Variants in CHODL observed in about 807,000 individuals in gnomAD.
CHODL encodes transmembrane protein MT75.
CHODL carries 29 observed loss-of-function variants against 34.5 expected under a neutral mutation model. The ratio of observed to expected loss-of-function variants is 0.84; its 90% CI spans 0.63 to 1.15. CHODL has a LOEUF of 1.15. CHODL is among the 50% of genes most tolerant of loss of function. The probability of loss-of-function intolerance (pLI) is 0.00; values close to 1 mark genes in which losing one functional copy is unlikely to be tolerated. For missense variants in CHODL, 332 were observed against 332.5 expected, an observed-to-expected ratio of 1.00 and a Z score of 0.01; for synonymous variants, 125 against 116.1, an observed-to-expected ratio of 1.08 and a Z score of -0.49.
At chr21:18,133,757 T>C (rs928064378) in intron 2 of CHODL, among the ~76,000 whole-genome samples, 1 of 152,164 alleles carries the variant, frequency 6.6e-6, no homozygotes, top group Admixed American at 6.5e-5. Flanking sequence ...TGTGTAAGCA[T>C]CACTCTGTAG....
intron 1 of CHODL, among the ~76,000 whole-genome samples, chr21:18,247,313 C>A (rs2406170): frequency 0.056 from 8,498 of 152,140 alleles, 771 homozygotes; most frequent in African/African-American, 0.19. Flanking sequence ...TAGGAACATA[C>A]TTGCAACGTA....
chr21:18,023,793 T>C (rs2064149396), intron 1 of CHODL, among the ~76,000 whole-genome samples: 1 of 152,220 alleles, frequency 6.6e-6, no homozygotes, highest in African/African-American at 2.4e-5. Flanking sequence ...TCCACCTCTC[T>C]TTCTCATACA....
At chr21:18,028,901 T>C (rs1056646191) in intron 2 of CHODL, among the ~76,000 whole-genome samples, 2 of 152,136 alleles carry the variant, frequency 1.3e-5, no homozygotes, top group Non-Finnish European at 2.9e-5. Flanking sequence ...ATAGCTGGCA[T>C]ACCTATTTTC....
chr21:18,135,428 G>C (rs986678247), intron 2 of CHODL, among the ~76,000 whole-genome samples: 1 of 151,806 alleles, frequency 6.6e-6, no homozygotes, highest in Non-Finnish European at 1.5e-5. Context: ...GAACACAGTT[G>C]CTTCGATGGA....
At chr21:17,977,241 C>T (rs2063670593) in intron 1 of CHODL, among the ~76,000 whole-genome samples, 1 of 152,156 alleles carries the variant, frequency 6.6e-6, no homozygotes, top group Non-Finnish European at 1.5e-5. Context: ...TCTTTATACT[C>T]TGCCATCTTG....
intron 2 of CHODL, among the ~76,000 whole-genome samples, chr21:18,168,600 T>A (rs554909834): frequency 7.2e-5 from 11 of 152,320 alleles, no homozygotes; most frequent in African/African-American, 2.6e-4. Context: ...ATTCAAATAG[T>A]TTGCATATTT....
intron 2 of CHODL, among the ~76,000 whole-genome samples, chr21:18,222,931 C>T (rs967895460): frequency 6.6e-6 from 1 of 152,154 alleles, no homozygotes; most frequent in Non-Finnish European, 1.5e-5. Flanking sequence ...CAAGGAGATT[C>T]TCCGCCAGTA....
At chr21:18,085,059 T>A (rs1238626283) in intron 2 of CHODL, among the ~76,000 whole-genome samples, 1 of 152,042 alleles carries the variant, frequency 6.6e-6, no homozygotes, top group Non-Finnish European at 1.5e-5. Context: ...TCTTCTTTTT[T>A]ATTTTTTTAA....
intron 2 of CHODL, among the ~76,000 whole-genome samples, chr21:18,151,038 G>A (rs1047325764): frequency 1.1e-4 from 15 of 141,772 alleles, no homozygotes; most frequent in African/African-American, 1.6e-4. Context: ...AGCCGAGATC[G>A]CACCACTGCA....
At chr21:18,048,618 T>A (rs1051657427) in intron 2 of CHODL, among the ~76,000 whole-genome samples, 1 of 151,920 alleles carries the variant, frequency 6.6e-6, no homozygotes, top group African/African-American at 2.4e-5. Context: ...CTTGGCAAGA[T>A]TTTGAAAATT....
Position 18,117,412 on chromosome 21 carries a change from A to G in CHODL, c.-45+89441A>G, listed in dbSNP as rs117201619. On this transcript the variant is annotated intron_variant, in intron 2 of 6. Transcript: ENST00000400127. ...ATCTGCTAGATGAAGTGACAGTTCT[A>G]TTCCCTCTGTGTTGCAAACTGACTG... Among the ~76,000 whole-genome samples the G allele has an allele frequency of 2.9e-3, 436 of 152,326 alleles. 18 individuals are homozygous for G. In the East Asian group the frequency reaches 0.067, roughly 23 times the overall value.
At chr21:18,046,167 C>G (rs554291951) in intron 2 of CHODL, among the ~76,000 whole-genome samples, 2 of 151,968 alleles carry the variant, frequency 1.3e-5, no homozygotes, top group South Asian at 4.2e-4. Context: ...GAGAGGATAT[C>G]AGAAAAGCAG....
At chr21:18,105,305 G>A (rs1028405243) in intron 2 of CHODL, among the ~76,000 whole-genome samples, 1 of 152,208 alleles carries the variant, frequency 6.6e-6, no homozygotes, top group Non-Finnish European at 1.5e-5. Flanking sequence ...ACCAGCTGTA[G>A]CAGAGCAAGC....
chr21:17,948,033 C>T (rs992565097), intron 1 of CHODL, among the ~76,000 whole-genome samples: 15 of 152,048 alleles, frequency 9.9e-5, no homozygotes, highest in South Asian at 2.1e-4. Flanking sequence ...CCATTATTTA[C>T]GTGCAACAAC....
rs147138759 is a variant in CHODL, at chr21:17,928,385, A to G, written c.-145+10985A>G. Among the ~76,000 whole-genome samples, 419 of 152,258 alleles carry G rather than the reference A, an allele frequency of 2.8e-3. 3 individuals are homozygous for G. The highest frequency in any genetic ancestry group is 9.4e-3 in the African/African-American group (390 of 41,554). ...AAAGGGTTCTGAAAAGGGAAAGTCA[A>G]TAAGAGGTAGAGATGCTGGGGGAAG... is the stretch of plus-strand genomic sequence containing the variant. On this transcript the variant is annotated intron_variant, in intron 1 of 6. Transcript: ENST00000400127.
chr21:18,201,301 G>C (rs935036570), intron 2 of CHODL, among the ~76,000 whole-genome samples: 1 of 151,890 alleles, frequency 6.6e-6, no homozygotes, highest in Non-Finnish European at 1.5e-5. Flanking sequence ...TTTATAAATG[G>C]GGAATTGTTA....
At chr21:18,031,158 C>T (rs1472573717) in intron 2 of CHODL, among the ~76,000 whole-genome samples, 3 of 152,022 alleles carry the variant, frequency 2.0e-5, no homozygotes, top group African/African-American at 7.2e-5. Flanking sequence ...ATGTGAAGCC[C>T]CTGGTGAAGC....
chr21:18,054,627 T>C (rs1237380341), intron 2 of CHODL, among the ~76,000 whole-genome samples: 1 of 151,928 alleles, frequency 6.6e-6, no homozygotes, highest in Non-Finnish European at 1.5e-5. Flanking sequence ...TAAAAAGATG[T>C]TGGTCAAAGG....
intron 1 of CHODL, among the ~76,000 whole-genome samples, chr21:17,951,720 A>G (rs997216201): frequency 6.6e-6 from 1 of 152,234 alleles, no homozygotes; most frequent in South Asian, 2.1e-4. Flanking sequence ...ATAGATTTGC[A>G]TTAGCTTGGA....
Sources: allele counts gnomAD v4.1 joint callset (sites outside exome capture counted in the v4.1 genomes callset), GRCh38; gene constraint gnomAD v4.1.1; transcripts MANE v1.5; gene names NCBI Gene and HGNC (gene_info 2026-07-23, HGNC 2026-07-21).